The following FANCM variants were observed in gnomAD, a reference collection of about 807,000 sequenced individuals.
FANCM encodes the protein FA complementation group M.
Under a neutral mutation model 199.5 loss-of-function variants are expected in FANCM, and 140 were observed. The ratio of observed to expected loss-of-function variants is 0.70; its 90% CI spans 0.61 to 0.81. FANCM has a LOEUF of 0.81. Among genes scored for constraint, FANCM ranks in the 30% least tolerant of loss-of-function variants. The probability of loss-of-function intolerance (pLI) is 0.00; values close to 1 mark genes in which losing one functional copy is unlikely to be tolerated. For missense variants in FANCM, 2,410 were observed against 2,421.4 expected (o/e 1.00, Z 0.10); for synonymous variants, 840 against 836.8 (o/e 1.00, Z -0.07).
chr14:45,150,206 T>C (rs1387794137), intron 4 of FANCM, among the ~76,000 whole-genome samples: 8 of 152,248 alleles, frequency 5.3e-5, no homozygotes, highest in Admixed American at 5.2e-4. Context: ...TACAGCTTTT[T>C]TGTTTTTAAA....
At position 45,175,419 on chromosome 14, in the gene FANCM, A is replaced by G. The variant is rs1388129494; in HGVS notation, c.2665A>G (p.Ile889Val). ...TGACAGAAATTCCACTGTTGAAAATATTTTTCAAGAAGACCTACCAAATGA... is the reference window on the plus strand; with the variant it reads ...TGACAGAAATTCCACTGTTGAAAATGTTTTTCAAGAAGACCTACCAAATGA... ...DNDRNSTVEN[I>V]FQEDLPNDKR... is the part of the protein sequence containing the mutation. The change falls in exon 14 of 23, where the codon ATT (isoleucine) becomes GTT (valine). Residue 889 changes from isoleucine to valine, a missense_variant. Physicochemically the swap from Ile to Val is conservative, Grantham distance 29. Coordinates refer to ENST00000267430, the MANE Select transcript of FANCM (RefSeq NM_020937.4). 5.7e-6 allele frequency: 9 copies of G among 1,579,858 alleles called. No homozygotes were observed. Among genetic ancestry groups the G allele is most frequent in the Admixed American group, 3.7e-5 (2 of 54,258 alleles).
intron 13 of FANCM, among the ~76,000 whole-genome samples, chr14:45,174,374 G>A (rs1015535114): frequency 2.7e-5 from 4 of 150,252 alleles, no homozygotes; most frequent in East Asian, 1.9e-4. Context: ...GCGACAGAGC[G>A]AGACTTTGTC....
intron 16 of FANCM, among the ~76,000 whole-genome samples, chr14:45,182,018 C>T (rs1052268049): frequency 6.6e-6 from 1 of 152,190 alleles, no homozygotes; most frequent in Non-Finnish European, 1.5e-5. Context: ...GTGTAAGATG[C>T]TGGAGATACT....
At chr14:45,166,327 C>T (rs925932140) in intron 10 of FANCM, among the ~76,000 whole-genome samples, 41 of 151,574 alleles carry the variant, frequency 2.7e-4, no homozygotes, top group African/African-American at 7.0e-4. Context: ...TCAGTAGAGA[C>T]GAGGGTTCAC....
At chr14:45,195,747 G>T (rs936247591) in intron 20 of FANCM, among the ~76,000 whole-genome samples, 3 of 152,126 alleles carry the variant, frequency 2.0e-5, no homozygotes, top group African/African-American at 4.8e-5. Flanking sequence ...TTTTCAACTG[G>T]AGATACTTTC....
In FANCM at chr14:45,170,756, A is replaced by C. The variant is rs767254996; in HGVS notation, c.2160+10A>C. 1.2e-6 allele frequency: 2 copies of C among 1,605,706 alleles called. No homozygotes were observed. Among genetic ancestry groups the C allele is most frequent in the Non-Finnish European group, 1.7e-6 (2 of 1,173,266 alleles). ...TGAGGAAAACAAACCAGTAAGTTGA[A>C]TATATTTTCAGATGTTCTTTTCCCC... is the stretch of plus-strand genomic sequence containing the variant. On this transcript the variant is annotated intron_variant, in intron 12 of 22. Transcript: ENST00000267430.
chr14:45,152,051 CAG>C (rs1446920973), intron 5 of FANCM, among the ~76,000 whole-genome samples: 12 of 139,484 alleles, frequency 8.6e-5, no homozygotes, highest in Admixed American at 3.0e-4. Flanking sequence ...TTTTTTGAGA[CAG>C]AATTTCGCTC....
intron 2 of FANCM, among the ~76,000 whole-genome samples, chr14:45,139,254 G>A (rs976189136): frequency 2.0e-5 from 3 of 152,152 alleles, no homozygotes; most frequent in African/African-American, 7.2e-5. Context: ...TAAGTATAAT[G>A]TTATGTCTTC....
chr14:45,147,918 C>G (rs946437410), intron 3 of FANCM, among the ~76,000 whole-genome samples: 2 of 143,082 alleles, frequency 1.4e-5, no homozygotes, highest in Non-Finnish European at 3.0e-5. Flanking sequence ...AAAAAAAAAG[C>G]CGGGCGTGAT....
At chr14:45,194,156 G>A (rs1395265011) in intron 20 of FANCM, among the ~76,000 whole-genome samples, 2 of 151,950 alleles carry the variant, frequency 1.3e-5, no homozygotes, top group Non-Finnish European at 2.9e-5. Flanking sequence ...ATAAAAATCA[G>A]CCAGGTGTCG....
chr14:45,187,058 AAGG>A (rs1889444475), intron 18 of FANCM, among the ~76,000 whole-genome samples: 1 of 152,182 alleles, frequency 6.6e-6, no homozygotes, highest in African/African-American at 2.4e-5. Context: ...ATTAGAAAAA[AAGG>A]AGGAGTCAGT....
At chr14:45,163,948 TTGCTTTG>T (rs948473651) in intron 9 of FANCM, among the ~76,000 whole-genome samples, 4 of 152,232 alleles carry the variant, frequency 2.6e-5, no homozygotes, top group Non-Finnish European at 5.9e-5. Context: ...GCTGATTTTT[TTGCTTTG>T]TTTTGTTGAA....
At chr14:45,140,591 G>T in intron 2 of FANCM, 41 bp from the exon 3 acceptor site, 1 of 1,033,422 alleles carries the variant, frequency 9.7e-7, no homozygotes, top group Non-Finnish European at 1.5e-6. Flanking sequence ...TGTTATTTTT[G>T]CATTGAACAG....
intron 2 of FANCM, chr14:45,137,471 A>G (rs1454749570): frequency 1.3e-5 from 7 of 524,394 alleles, no homozygotes; most frequent in Non-Finnish European, 2.4e-5. Flanking sequence ...CTTTTCTTCT[A>G]TTTTAAGACT....
intron 18 of FANCM, among the ~76,000 whole-genome samples, chr14:45,185,615 A>T (rs925554811): frequency 6.6e-6 from 1 of 152,202 alleles, no homozygotes; most frequent in African/African-American, 2.4e-5. Context: ...CTCAAGTGTG[A>T]AATGTTCATT....
chr14:45,179,357 T>G (rs1295917154), intron 14 of FANCM, among the ~76,000 whole-genome samples: 2 of 152,154 alleles, frequency 1.3e-5, no homozygotes, highest in African/African-American at 4.8e-5. Context: ...TCTCTGGGTT[T>G]GATCTTTGCC....
rs1281825900 is a variant in FANCM, at chr14:45,173,124, T to A, written c.2230T>A (p.Leu744Met). The A allele has an allele frequency of 6.2e-7, 1 of 1,612,236 alleles. No individual in the cohort carries two copies. The highest frequency in any genetic ancestry group is 2.2e-5 in the East Asian group (1 of 44,830). Residue 744 changes from leucine to methionine, a missense_variant, in exon 13 of 23, where the codon TTG becomes ATG. Physicochemically the swap from Leu to Met is conservative, Grantham distance 15 (BLOSUM62 2). Coordinates refer to ENST00000267430, the MANE Select transcript of FANCM (RefSeq NM_020937.4). ...SEWRLWQDHP[L>M]PTHQVDHSDR... The stretch of plus-strand genomic sequence containing the variant: ...ATGGAGACTGTGGCAAGATCATCCT[T>A]TGCCTACACATCAAGTTGATCACTC...
At chr14:45,157,729 A>T (rs1887297093) in intron 8 of FANCM, among the ~76,000 whole-genome samples, 1 of 152,224 alleles carries the variant, frequency 6.6e-6, no homozygotes, top group Non-Finnish European at 1.5e-5. Context: ...TGTTTAGAAT[A>T]ATTTTACTTG....
chr14:45,142,338 G>GC (rs1886032432), intron 3 of FANCM, among the ~76,000 whole-genome samples: 1 of 144,622 alleles, frequency 6.9e-6, no homozygotes, highest in African/African-American at 2.6e-5. Flanking sequence ...ACGAAGTCTC[G>GC]CACTGTTGCC....
Sources: gnomAD v4.1 joint callset for allele counts (sites outside exome capture counted in the v4.1 genomes callset) on GRCh38, gnomAD v4.1.1 for gene constraint, MANE v1.5 for transcripts, NCBI Gene and HGNC (gene_info 2026-07-23, HGNC 2026-07-21) for gene names.